The following WDR20 variants were observed in gnomAD, a reference collection of about 807,000 sequenced individuals.
The protein encoded by WDR20 is WD repeat domain 20, also known as WD repeat-containing protein 20.
A neutral mutation model predicts 38.7 loss-of-function variants in WDR20; 3 were observed. The observed-to-expected ratio is 0.08, with a 90% CI of 0.04 to 0.20. WDR20 has a LOEUF of 0.20. Ranked by LOEUF, WDR20 falls within the 10% of genes least tolerant of loss-of-function variation. WDR20 has a pLI of 1.00. For synonymous variants in WDR20, 298 were observed against 285.6 expected, an observed-to-expected ratio of 1.04 and a Z score of -0.44; for missense variants, 559 against 727.7, an observed-to-expected ratio of 0.77 and a Z score of 2.67.
chr14:102,141,795 G>A (rs1207170550), intron 1 of WDR20, among the ~76,000 whole-genome samples: 2 of 152,102 alleles, frequency 1.3e-5, no homozygotes, highest in South Asian at 4.1e-4. Flanking sequence ...GACCAATTTT[G>A]TCTCAGGAAA....
At chr14:102,175,942 A>T (rs1029487818) in intron 1 of WDR20, among the ~76,000 whole-genome samples, 5 of 152,096 alleles carry the variant, frequency 3.3e-5, no homozygotes, top group Non-Finnish European at 7.4e-5. Context: ...CAGATCTAGG[A>T]GCTTTTGGGA....
chr14:102,180,792 C>A (rs901366067), intron 1 of WDR20, among the ~76,000 whole-genome samples: 1 of 152,162 alleles, frequency 6.6e-6, no homozygotes, highest in Non-Finnish European at 1.5e-5. Flanking sequence ...TTTGTCGTAA[C>A]CATGTGAGGG....
intron 1 of WDR20, among the ~76,000 whole-genome samples, chr14:102,188,337 T>A (rs1472286202): frequency 6.6e-6 from 1 of 152,284 alleles, no homozygotes; most frequent in Non-Finnish European, 1.5e-5. Flanking sequence ...GCTTTTTGCC[T>A]TTGGTGGAAT....
At chr14:102,189,954 G>A (rs569882222) in intron 1 of WDR20, among the ~76,000 whole-genome samples, 5 of 152,266 alleles carry the variant, frequency 3.3e-5, no homozygotes, top group Admixed American at 1.3e-4. Flanking sequence ...TGCTGTGGGC[G>A]GTGGGACGTG....
At chr14:102,164,405 TCTC>T (rs1209723567) in intron 1 of WDR20, among the ~76,000 whole-genome samples, 2 of 152,078 alleles carry the variant, frequency 1.3e-5, no homozygotes, top group East Asian at 1.9e-4. Context: ...ACCCTACTAA[TCTC>T]CTCTAGTCCA....
In WDR20 at chr14:102,209,378, T is replaced by C; in HGVS notation, c.1208T>C (p.Val403Ala). ...TCAAGAGCAAGGACACACACAAATGTCATGAATGCCACGAGTCCTCCTGCT... is the reference window on the plus strand; with the variant it reads ...TCAAGAGCAAGGACACACACAAATGCCATGAATGCCACGAGTCCTCCTGCT... ...PLSRARTHTNVMNATSPPAGS... is the reference protein window; with the variant it reads ...PLSRARTHTNAMNATSPPAGS... The change falls in exon 3 of 3, where the codon GTC (valine) becomes GCC (alanine). Residue 403 changes from valine to alanine, a missense_variant. By Grantham distance (64) the Val-to-Ala change is moderately conservative (BLOSUM62 0). Coordinates refer to ENST00000342702, the MANE Select transcript of WDR20 (RefSeq NM_144574.4). This position sits in a 1 kb window ranked among gnomAD's most constrained non-coding sequence, Gnocchi z 6.0. 6.2e-7 allele frequency: 1 copy of C among 1,614,094 alleles called. No homozygotes were observed. The highest frequency in any genetic ancestry group is 8.5e-7 in the Non-Finnish European group (1 of 1,180,036).
At chr14:102,151,420 G>A (rs781062795) in intron 1 of WDR20, among the ~76,000 whole-genome samples, 7 of 152,032 alleles carry the variant, frequency 4.6e-5, no homozygotes, top group Non-Finnish European at 8.8e-5. Context: ...TTTTGAGACA[G>A]GGTCTCACTT....
chr14:102,207,976 A>G lies in WDR20; in HGVS notation c.433-627A>G, dbSNP rs1054434699. ...TTCGAGGAGATGCTTATGGAGATGC[A>G]CGTGGGGCGGTGCATGGGAGTGAGG... is the stretch of plus-strand genomic sequence containing the variant. On this transcript the variant is annotated intron_variant, in intron 2 of 2. Coordinates refer to ENST00000342702, the MANE Select transcript of WDR20 (RefSeq NM_144574.4). This position sits in a 1 kb window ranked among gnomAD's most constrained non-coding sequence, Gnocchi z 5.0. 3.9e-5 allele frequency among the ~76,000 whole-genome samples: 6 copies of G among 152,174 alleles called. No individual in the cohort carries two copies. The highest frequency in any genetic ancestry group is 8.8e-5 in the Non-Finnish European group (6 of 68,022).
chr14:102,144,925 C>G (rs1169115690), intron 1 of WDR20, among the ~76,000 whole-genome samples: 1 of 152,180 alleles, frequency 6.6e-6, no homozygotes, highest in African/African-American at 2.4e-5. Flanking sequence ...TCTTGAACTC[C>G]TGGCCTCAAG....
At position 102,195,013 on chromosome 14, in the gene WDR20, C is replaced by T. The variant is rs760299809; in HGVS notation, c.325C>T (p.Leu109=). Residue 109 remains leucine, a synonymous_variant, in exon 2 of 3, where the codon CTA becomes TTA. Coordinates refer to ENST00000342702, the MANE Select transcript of WDR20 (RefSeq NM_144574.4). ...TQPTCHDFNH[L]TATAESVSLL... is the part of the protein sequence containing the mutation. ...GCCTACTTGTCATGACTTCAACCAC[C>T]TAACAGCCACAGCAGAAAGTGTCTC... 5 of 1,614,076 alleles carry T rather than the reference C, an allele frequency of 3.1e-6. No individual in the cohort carries two copies. The South Asian group carries it at 4.4e-5, about 14-fold the overall frequency.
intron 1 of WDR20, among the ~76,000 whole-genome samples, chr14:102,189,391 CAA>C (rs2152922675): frequency 6.6e-6 from 1 of 152,194 alleles, no homozygotes; most frequent in African/African-American, 2.4e-5. Context: ...ATGAGACTGT[CAA>C]ATTATTTGTA....
intron 2 of WDR20, among the ~76,000 whole-genome samples, chr14:102,203,873 G>A (rs187083284): frequency 6.6e-6 from 1 of 152,200 alleles, no homozygotes; most frequent in Admixed American, 6.5e-5. Flanking sequence ...TTATAGTGCA[G>A]AAACTGGACT....
chr14:102,218,918 C>T (rs1364596859), downstream of WDR20, among the ~76,000 whole-genome samples: 3 of 152,216 alleles, frequency 2.0e-5, no homozygotes, highest in African/African-American at 7.2e-5. Flanking sequence ...GCGGGCTCCC[C>T]TTGCCAGGTC....
chr14:102,162,451 G>A (rs542695373), intron 1 of WDR20, among the ~76,000 whole-genome samples: 2 of 152,112 alleles, frequency 1.3e-5, no homozygotes, highest in African/African-American at 4.8e-5. Flanking sequence ...ATCAATAAGT[G>A]CCTGTACGTA....
intron 1 of WDR20, among the ~76,000 whole-genome samples, chr14:102,142,156 C>T (rs1203798437): frequency 6.6e-6 from 1 of 152,158 alleles, no homozygotes; most frequent in Non-Finnish European, 1.5e-5. Flanking sequence ...CCCTTACCTG[C>T]ATAATTTGAG....
chr14:102,185,132 C>A (rs772670083), intron 1 of WDR20, among the ~76,000 whole-genome samples: 7 of 152,160 alleles, frequency 4.6e-5, no homozygotes, highest in Non-Finnish European at 7.3e-5. Flanking sequence ...AAAGAAACAT[C>A]TCTGTTTTTC....
At chr14:102,219,063 G>A (rs1003221859), downstream of WDR20, among the ~76,000 whole-genome samples, 32 of 152,296 alleles carry the variant, frequency 2.1e-4, no homozygotes, top group African/African-American at 5.5e-4. Context: ...AGTTTGACAC[G>A]GATGACCATT....
At chr14:102,161,279 T>C (rs1450682792) in intron 1 of WDR20, among the ~76,000 whole-genome samples, 1 of 145,788 alleles carries the variant, frequency 6.9e-6, no homozygotes, top group Non-Finnish European at 1.5e-5. Context: ...GCCTCCCAAG[T>C]AGCTGGAATT....
chr14:102,207,613 G>A lies in WDR20; in HGVS notation c.433-990G>A, dbSNP rs2061782891. On this transcript the variant is annotated intron_variant, in intron 2 of 2. Coordinates refer to ENST00000342702, the MANE Select transcript of WDR20 (RefSeq NM_144574.4). The surrounding 1 kb of genome is among the most constrained non-coding windows in gnomAD (Gnocchi z 5.0). ...AGCACTTGGCAGTAGGAGCTTCTAGGTAGAACTTGGGAGTCTTGGGACTTC... is the reference window on the plus strand; with the variant it reads ...AGCACTTGGCAGTAGGAGCTTCTAGATAGAACTTGGGAGTCTTGGGACTTC... Among the ~76,000 whole-genome samples the A allele has an allele frequency of 6.6e-6, 1 of 152,214 alleles. No individual in the cohort carries two copies. Among genetic ancestry groups the A allele is most frequent in the South Asian group, 2.1e-4 (1 of 4,832 alleles).
Sources: gnomAD v4.1 joint callset for allele counts (sites outside exome capture counted in the v4.1 genomes callset) on GRCh38, gnomAD v4.1.1 for gene constraint, Gnocchi (gnomAD v3.1) non-coding constraint, MANE v1.5 for transcripts, NCBI Gene and HGNC (gene_info 2026-07-23, HGNC 2026-07-21) for gene names.